The following PPP6R3 variants were observed in gnomAD, a reference collection of about 807,000 sequenced individuals.
The protein encoded by PPP6R3 is serine/threonine-protein phosphatase 6 regulatory subunit 3.
PPP6R3 carries 38 observed loss-of-function variants against 110.7 expected under a neutral mutation model. The ratio of observed to expected loss-of-function variants is 0.34; its 90% CI spans 0.26 to 0.45. The LOEUF (loss-of-function observed/expected upper bound fraction) is 0.45, where lower values mean the gene tolerates loss of function less well. Ranked by LOEUF, PPP6R3 falls within the 20% of genes least tolerant of loss-of-function variation. The pLI, the probability that PPP6R3 is intolerant of heterozygous loss-of-function variation, is 1.00. For synonymous variants in PPP6R3, 369 were observed against 373.5 expected, an observed-to-expected ratio of 0.99 and a Z score of 0.14; for missense variants, 870 against 1,062.4, an observed-to-expected ratio of 0.82 and a Z score of 2.52.
intron 19 of PPP6R3, among the ~76,000 whole-genome samples, chr11:68,598,130 G>C (rs2099619783): frequency 6.6e-6 from 1 of 152,048 alleles, no homozygotes; most frequent in Non-Finnish European, 1.5e-5. Flanking sequence ...TCTACTCTCT[G>C]TTTCTCTGGG....
intron 1 of PPP6R3, among the ~76,000 whole-genome samples, chr11:68,512,365 C>T (rs1359731175): frequency 6.6e-6 from 1 of 152,298 alleles, no homozygotes; most frequent in East Asian, 1.9e-4. Flanking sequence ...ATGACACAGT[C>T]TGGAGCACCA....
chr11:68,538,628 C>G (rs544806280), intron 3 of PPP6R3, among the ~76,000 whole-genome samples: 1 of 152,318 alleles, frequency 6.6e-6, no homozygotes, highest in South Asian at 2.1e-4. Context: ...TGCCATTTGT[C>G]CCTCAGTTTA....
chr11:68,548,237 G>A (rs779062257), intron 5 of PPP6R3, 33 bp downstream of exon 5: 1 of 1,611,958 alleles, frequency 6.2e-7, no homozygotes, highest in Admixed American at 1.7e-5. Context: ...GTTGACTGGG[G>A]TTAGGGTGCT....
intron 2 of PPP6R3, among the ~76,000 whole-genome samples, chr11:68,527,173 G>A (rs886842844): frequency 4.6e-5 from 7 of 152,206 alleles, no homozygotes; most frequent in Non-Finnish European, 7.3e-5. Context: ...AGACTTGGAG[G>A]AGGCAGAATG....
intron 5 of PPP6R3, among the ~76,000 whole-genome samples, chr11:68,549,852 T>G (rs988456598): frequency 1.3e-5 from 2 of 152,142 alleles, no homozygotes; most frequent in African/African-American, 4.8e-5. Context: ...CCTAAATGTC[T>G]TTTGATTTTG....
At chr11:68,542,023 CAG>C (rs1477405303) in intron 3 of PPP6R3, among the ~76,000 whole-genome samples, 5 of 151,748 alleles carry the variant, frequency 3.3e-5, no homozygotes, top group African/African-American at 1.2e-4. Context: ...GATTTGGAGT[CAG>C]GGGTGGTGTG....
At chr11:68,583,987 T>C (rs1016631867) in intron 15 of PPP6R3, among the ~76,000 whole-genome samples, 1 of 152,216 alleles carries the variant, frequency 6.6e-6, no homozygotes, top group Non-Finnish European at 1.5e-5. Context: ...CCCTGTCTTT[T>C]GGCTTGTAAG....
intron 1 of PPP6R3, among the ~76,000 whole-genome samples, chr11:68,497,173 A>G (rs1356623799): frequency 1.3e-5 from 2 of 149,888 alleles, no homozygotes; most frequent in Non-Finnish European, 3.0e-5. Flanking sequence ...CAGCCTCCCG[A>G]GTAGCTGGGA....
rs539312861 is a variant in PPP6R3, at chr11:68,588,518, C to T, written c.1730+494C>T. On this transcript the variant is annotated intron_variant, in intron 16 of 23. Coordinates refer to ENST00000393800, the MANE Select transcript of PPP6R3 (RefSeq NM_001164161.2). ...TGTTGCCCCGGCTGGAGTGCAGTGGCGCTATCTTGGCTCACTGCAAGCTCC... is the reference window on the plus strand; with the variant it reads ...TGTTGCCCCGGCTGGAGTGCAGTGGTGCTATCTTGGCTCACTGCAAGCTCC... Among the ~76,000 whole-genome samples, 22 of 152,000 alleles carry T rather than the reference C, an allele frequency of 1.4e-4. No individual in the cohort carries two copies. In the South Asian group the frequency reaches 3.3e-3, roughly 23 times the overall value.
chr11:68,564,476 G>T (rs759729108), intron 9 of PPP6R3, 44 bp downstream of exon 9: 2 of 1,606,200 alleles, frequency 1.2e-6, no homozygotes, highest in Non-Finnish European at 1.7e-6. Context: ...GAGTAATTTG[G>T]TTGAAACAGT....
In PPP6R3 at chr11:68,571,075, T is replaced by A; in HGVS notation, c.1314T>A (p.Leu438=). 2 of 1,598,664 alleles carry A rather than the reference T, an allele frequency of 1.3e-6. No individual in the cohort carries two copies. Among genetic ancestry groups the A allele is most frequent in the African/African-American group, 2.7e-5 (2 of 73,814 alleles). The change falls in exon 12 of 24, where the codon CTT becomes CTA. Residue 438 remains leucine (L), a synonymous_variant. Coordinates refer to ENST00000393800, the MANE Select transcript of PPP6R3 (RefSeq NM_001164161.2). ...AATGTCAATTAATAGAACGAATACTTGAAGCCTGGGAAATGAATGAGAAGA... is the reference window on the plus strand; with the variant it reads ...AATGTCAATTAATAGAACGAATACTAGAAGCCTGGGAAATGAATGAGAAGA... ...FQKCQLIERI[L]EAWEMNEKKQ...
At chr11:68,600,981 C>T (rs1469231677) in intron 20 of PPP6R3, among the ~76,000 whole-genome samples, 1 of 152,100 alleles carries the variant, frequency 6.6e-6, no homozygotes, top group Non-Finnish European at 1.5e-5. Flanking sequence ...TTAAGGGCTC[C>T]CAATCATTGG....
rs535908809 is a variant in PPP6R3 at position 68,611,649 on chromosome 11, G to C, written c.2571-1417G>C. Among the ~76,000 whole-genome samples, 417 of 152,256 alleles carry C rather than the reference G, an allele frequency of 2.7e-3. 2 individuals are homozygous for C. The highest frequency in any genetic ancestry group is 9.5e-3 in the African/African-American group (396 of 41,532). On this transcript the variant is annotated intron_variant, in intron 23 of 23. Coordinates refer to ENST00000393800, the MANE Select transcript of PPP6R3 (RefSeq NM_001164161.2). ...TAAAGCTGCAGCACACGGACACCCA[G>C]TGGTCTCGGGGCATACTAGAGGCAC...
chr11:68,588,030 TA>T lies in PPP6R3; in HGVS notation c.1730+7del. ...GATCAAGATGACATTGGCAAGTGAG[TA>T]TGTTTTTCTGTTTCCGCTGTTGCTC... On this transcript the variant is annotated splice_region_variant and intron_variant, in intron 16 of 23. Transcript: ENST00000393800. The T allele has an allele frequency of 6.2e-7, 1 of 1,609,842 alleles. No individual in the cohort carries two copies. Among genetic ancestry groups the T allele is most frequent in the Non-Finnish European group, 8.5e-7 (1 of 1,176,148 alleles).
intron 12 of PPP6R3, among the ~76,000 whole-genome samples, chr11:68,573,411 A>G (rs1052560795): frequency 6.6e-6 from 1 of 151,936 alleles, no homozygotes; most frequent in Non-Finnish European, 1.5e-5. Context: ...TTGGCCTCCC[A>G]AAGTGTTGGG....
At chr11:68,491,328 CTGTGTGTGTGTGTGTGTG>C (rs60972668) in intron 1 of PPP6R3, among the ~76,000 whole-genome samples, 3,813 of 123,572 alleles carry the variant, frequency 0.031, 190 homozygotes, top group African/African-American at 0.1. Context: ...GTGTCTTCAG[CTGTGTGTGTGTGTGTGTG>C]TGTGTGTGTG....
chr11:68,484,387 G>A (rs1354249273), intron 1 of PPP6R3, among the ~76,000 whole-genome samples: 1 of 152,088 alleles, frequency 6.6e-6, no homozygotes, highest in Non-Finnish European at 1.5e-5. Flanking sequence ...TGTGTCTTGA[G>A]TTTGGCCATT....
chr11:68,473,934 TA>T (rs1469255835), intron 1 of PPP6R3, among the ~76,000 whole-genome samples: 1 of 152,226 alleles, frequency 6.6e-6, no homozygotes, highest in African/African-American at 2.4e-5. Flanking sequence ...AATTGTTGGA[TA>T]ATGTGGTAAC....
intron 12 of PPP6R3, among the ~76,000 whole-genome samples, chr11:68,572,356 G>T (rs893465897): frequency 1.1e-4 from 16 of 152,158 alleles, no homozygotes; most frequent in African/African-American, 3.1e-4. Flanking sequence ...TGTCTAGGGG[G>T]ATCCCGAAAG....
Sources: gnomAD v4.1 joint callset for allele counts (sites outside exome capture counted in the v4.1 genomes callset) on GRCh38, gnomAD v4.1.1 for gene constraint, MANE v1.5 for transcripts, NCBI Gene and HGNC (gene_info 2026-07-23, HGNC 2026-07-21) for gene names.